MBNL1: variants seen among roughly 807,000 people sequenced by gnomAD.
MBNL1 encodes the protein muscleblind-like protein 1.
A neutral mutation model predicts 42.2 loss-of-function variants in MBNL1; 8 were observed. The ratio of observed to expected loss-of-function variants is 0.19; its 90% CI spans 0.11 to 0.34. MBNL1 has a LOEUF of 0.34. MBNL1 is among the 10% of genes least tolerant of loss of function. The pLI is 1.00. For synonymous variants in MBNL1, 169 were observed against 173.9 expected (o/e 0.97, Z 0.22); for missense variants, 309 against 495.3 (o/e 0.62, Z 3.57).
At chr3:152,310,180 T>C (rs2065545456) in intron 2 of MBNL1, among the ~76,000 whole-genome samples, 1 of 152,202 alleles carries the variant, frequency 6.6e-6, no homozygotes, top group Non-Finnish European at 1.5e-5. Flanking sequence ...CCACTAATTT[T>C]TGTATGGTAA....
At chr3:152,419,682 T>A (rs1372367072) in intron 3 of MBNL1, among the ~76,000 whole-genome samples, 1 of 97,838 alleles carries the variant, frequency 1.0e-5, no homozygotes, top group East Asian at 3.1e-4. Flanking sequence ...GCTGCAGGAG[T>A]TTTTTTGTTT....
rs560020541 is a variant in MBNL1, at chr3:152,462,224, T to A, written c.*19-161T>A. Among the ~76,000 whole-genome samples, 11 of 152,296 alleles carry A rather than the reference T, an allele frequency of 7.2e-5. No individual in the cohort carries two copies. The East Asian group carries it at 2.1e-3, about 29-fold the overall frequency. ...ATTCGTGTAGAGATGATAGACAAAT[T>A]TTGATCTGTCTACTCTTGTAAAATG... On this transcript the variant is annotated intron_variant, in intron 9 of 9. Coordinates refer to ENST00000324210, the MANE Select transcript of MBNL1 (RefSeq NM_021038.5).
intron 2 of MBNL1, among the ~76,000 whole-genome samples, chr3:152,355,042 T>C (rs938494673): frequency 6.6e-6 from 1 of 152,216 alleles, no homozygotes; most frequent in African/African-American, 2.4e-5. Flanking sequence ...CTGTTATTCA[T>C]CATTATTCCT....
chr3:152,351,983 G>T (rs1383683937), intron 2 of MBNL1, among the ~76,000 whole-genome samples: 1 of 151,946 alleles, frequency 6.6e-6, no homozygotes, highest in African/African-American at 2.4e-5. Context: ...TTTCACAAAT[G>T]ATCGATAATC....
chr3:152,398,504 T>C (rs1446934058), intron 2 of MBNL1, among the ~76,000 whole-genome samples: 4 of 152,138 alleles, frequency 2.6e-5, no homozygotes, highest in Non-Finnish European at 5.9e-5. Context: ...TGCAAAAATA[T>C]GGAGTGTATG....
intron 1 of MBNL1, among the ~76,000 whole-genome samples, chr3:152,297,221 T>C (rs1470446393): frequency 1.3e-5 from 2 of 149,792 alleles, no homozygotes; most frequent in Admixed American, 6.7e-5. Flanking sequence ...TTCAGGAAGA[T>C]AGACACAGCT....
intron 2 of MBNL1, among the ~76,000 whole-genome samples, chr3:152,398,338 A>T: frequency 6.6e-6 from 1 of 151,882 alleles, no homozygotes; most frequent in African/African-American, 2.4e-5. Context: ...AGTATAGCAC[A>T]GTTTTTTTTT....
At chr3:152,358,343 G>T (rs910038242) in intron 2 of MBNL1, among the ~76,000 whole-genome samples, 10 of 152,116 alleles carry the variant, frequency 6.6e-5, no homozygotes, top group African/African-American at 1.9e-4. Flanking sequence ...ATGTGTTGAT[G>T]AAGATAGTGA....
chr3:152,279,083 A>T (rs534783805), intron 1 of MBNL1, among the ~76,000 whole-genome samples: 1 of 152,140 alleles, frequency 6.6e-6, no homozygotes, highest in South Asian at 2.1e-4. Flanking sequence ...CGGAATATGG[A>T]GTGACATAGT....
At chr3:152,326,728 A>G (rs2152511491) in intron 2 of MBNL1, among the ~76,000 whole-genome samples, 1 of 152,040 alleles carries the variant, frequency 6.6e-6, no homozygotes, top group African/African-American at 2.4e-5. Flanking sequence ...GCTTACACAT[A>G]TAATCAAGGA....
chr3:152,406,321 A>G (rs1159215198), intron 2 of MBNL1, among the ~76,000 whole-genome samples: 1 of 152,214 alleles, frequency 6.6e-6, no homozygotes, highest in Non-Finnish European at 1.5e-5. Context: ...AACTCTAAAT[A>G]GAAGAGCCTT....
At chr3:152,323,386 A>G (rs2077516133) in intron 2 of MBNL1, among the ~76,000 whole-genome samples, 2 of 152,226 alleles carry the variant, frequency 1.3e-5, no homozygotes, top group South Asian at 4.1e-4. Context: ...AATAATTTGA[A>G]CTCCCTTTTA....
rs900556387 is a variant in MBNL1 at position 152,410,208 on chromosome 3, G to A, written c.175-4733G>A. Among the ~76,000 whole-genome samples the A allele has an allele frequency of 8.6e-5, 13 of 151,938 alleles. 1 individual carries two copies. The East Asian group carries it at 9.6e-4, about 11-fold the overall frequency. Reference sequence around the variant, plus strand: ...AAATGAATCATACATTTATTTGGAGGATTAAACACTTAATCTAAATGTATA... The same window carrying A: ...AAATGAATCATACATTTATTTGGAGAATTAAACACTTAATCTAAATGTATA... On this transcript the variant is annotated intron_variant, in intron 2 of 9. Coordinates refer to ENST00000324210, the MANE Select transcript of MBNL1 (RefSeq NM_021038.5).
intron 3 of MBNL1, among the ~76,000 whole-genome samples, chr3:152,426,645 GT>G (rs2098936269): frequency 6.6e-6 from 1 of 151,756 alleles, no homozygotes; most frequent in Admixed American, 6.5e-5. Context: ...GATATCTGGA[GT>G]TTCTCTAGTA....
At chr3:152,376,908 G>A (rs1299097466) in intron 2 of MBNL1, among the ~76,000 whole-genome samples, 1 of 152,048 alleles carries the variant, frequency 6.6e-6, no homozygotes, top group African/African-American at 2.4e-5. Flanking sequence ...CCTATTTTTT[G>A]CTAGTTTCAT....
intron 2 of MBNL1, among the ~76,000 whole-genome samples, chr3:152,362,675 C>G (rs1273922519): frequency 6.6e-6 from 1 of 152,104 alleles, no homozygotes; most frequent in Non-Finnish European, 1.5e-5. Flanking sequence ...CCCCCAACCT[C>G]CAGATGTGAC....
chr3:152,249,232 C>A (rs1375585615), intron 2 of MBNL1, among the ~76,000 whole-genome samples: 1 of 123,554 alleles, frequency 8.1e-6, no homozygotes, highest in Non-Finnish European at 1.7e-5. Context: ...ACAGTCCCAC[C>A]AACAGTGTAA....
At chr3:152,450,270 T>C (rs1359377577) in intron 6 of MBNL1, among the ~76,000 whole-genome samples, 3 of 152,204 alleles carry the variant, frequency 2.0e-5, no homozygotes, top group Non-Finnish European at 4.4e-5. Flanking sequence ...AGTTGACCTT[T>C]ATTAATCACA....
chr3:152,408,734 G>A (rs1302911131), intron 2 of MBNL1, among the ~76,000 whole-genome samples: 1 of 151,734 alleles, frequency 6.6e-6, no homozygotes, highest in Non-Finnish European at 1.5e-5. Context: ...GTGGCGGTTG[G>A]CTCTCAACAA....
Sources: allele counts gnomAD v4.1 joint callset (sites outside exome capture counted in the v4.1 genomes callset), GRCh38; gene constraint gnomAD v4.1.1; transcripts MANE v1.5; gene names NCBI Gene and HGNC (gene_info 2026-07-23, HGNC 2026-07-21).